EMP2: variants seen among roughly 807,000 people sequenced by gnomAD.
EMP2 encodes the protein epithelial membrane protein 2.
EMP2 carries 19 observed loss-of-function variants against 13.7 expected under a neutral mutation model. The ratio of observed to expected loss-of-function variants is 1.38; its 90% CI spans 0.97 to 2.03. The LOEUF (loss-of-function observed/expected upper bound fraction) is 2.03. Among genes scored for constraint, EMP2 ranks in the 30% most tolerant of loss-of-function variants. The probability of loss-of-function intolerance (pLI) is 0.00; values close to 1 mark genes in which losing one functional copy is unlikely to be tolerated. For synonymous variants in EMP2, 97 were observed against 84.7 expected, an observed-to-expected ratio of 1.15 and a Z score of -0.80; for missense variants, 253 against 220.7, an observed-to-expected ratio of 1.15 and a Z score of -0.93.
At chr16:10,550,929 C>T (rs995163749) in intron 1 of EMP2, among the ~76,000 whole-genome samples, 2 of 151,190 alleles carry the variant, frequency 1.3e-5, no homozygotes, top group East Asian at 1.9e-4. Flanking sequence ...GAGCCAAGAA[C>T]GCGCCACTGC....
chr16:10,573,614 G>C (rs2050962611), intron 1 of EMP2, among the ~76,000 whole-genome samples: 1 of 152,168 alleles, frequency 6.6e-6, no homozygotes, highest in African/African-American at 2.4e-5. Context: ...CAGGGAAAAT[G>C]AGGGCATTAT....
chr16:10,537,778 A>ACT, intron 4 of EMP2, 150 bp downstream of exon 4: 1 of 916,060 alleles, frequency 1.1e-6, no homozygotes, highest in East Asian at 2.6e-5. Flanking sequence ...ACACACACAC[A>ACT]CACGCAAACA....
intron 1 of EMP2, among the ~76,000 whole-genome samples, chr16:10,549,024 T>C (rs1325988305): frequency 6.6e-6 from 1 of 152,224 alleles, no homozygotes; most frequent in African/African-American, 2.4e-5. Flanking sequence ...TCCGGGCTGA[T>C]GCAGAAGAGA....
intron 1 of EMP2, among the ~76,000 whole-genome samples, chr16:10,555,745 G>A (rs533861086): frequency 6.6e-5 from 10 of 152,082 alleles, no homozygotes; most frequent in East Asian, 1.9e-4. Flanking sequence ...GCGCCACCAC[G>A]CCTGGCTAAT....
At chr16:10,558,487 G>A (rs1407201685) in intron 1 of EMP2, among the ~76,000 whole-genome samples, 2 of 45,370 alleles carry the variant, frequency 4.4e-5, no homozygotes, top group African/African-American at 4.1e-4. Context: ...AAGTGTGTGT[G>A]TGTGTGTGTG....
chr16:10,557,528 A>G (rs76015637), intron 1 of EMP2, among the ~76,000 whole-genome samples: 1 of 152,268 alleles, frequency 6.6e-6, no homozygotes, highest in South Asian at 2.1e-4. Context: ...TTTCCTTGGT[A>G]TCTAAAAGGA....
In EMP2 at chr16:10,532,140, G is replaced by A. The variant is rs7194566; in HGVS notation, c.*765C>T. 116,325 of 154,534 alleles carry A rather than the reference G, an allele frequency of 0.75. 44,184 individuals carry two copies. The highest frequency in any genetic ancestry group is 0.83 in the East Asian group (4,269 of 5,142). 9.6% of individuals were successfully genotyped at this position (154,534 alleles called of 1,614,324 possible). On this transcript the variant is annotated 3_prime_UTR_variant, in exon 5 of 5. Transcript: ENST00000359543. ...ATCTGAAGCGTTGCCCAGGGAGCGC[G>A]TTAGAAATGCAGATTCCCTGGCCCC... is the stretch of plus-strand genomic sequence containing the variant.
intron 1 of EMP2, among the ~76,000 whole-genome samples, chr16:10,558,031 G>GT (rs558044947): frequency 0.11 from 15,203 of 139,464 alleles, 1,386 homozygotes; most frequent in African/African-American, 0.25. Flanking sequence ...TGAGTTTCAA[G>GT]TTTTTTTTTT....
At chr16:10,566,063 T>C (rs1449244262) in intron 1 of EMP2, among the ~76,000 whole-genome samples, 6 of 152,162 alleles carry the variant, frequency 3.9e-5, no homozygotes. Context: ...TTTTCTAGCA[T>C]CCAGTTTCCA....
chr16:10,575,767 C>G, intron 1 of EMP2, among the ~76,000 whole-genome samples: 1 of 152,124 alleles, frequency 6.6e-6, no homozygotes, highest in Non-Finnish European at 1.5e-5. Context: ...AATATATCAT[C>G]TCTTCTGATC....
Position 10,575,237 on chromosome 16 carries a change from C to CTTTTTTTTTTTTTT in EMP2, c.-61+5298_-61+5311dup, listed in dbSNP as rs761837614. Among the ~76,000 whole-genome samples, 60 of 52,488 alleles carry CTTTTTTTTTTTTTT rather than the reference C, an allele frequency of 1.1e-3. 12 individuals are homozygous for CTTTTTTTTTTTTTT. The highest frequency in any genetic ancestry group is 2.4e-3 in the African/African-American group (37 of 15,662). The allele number at this position is 52,488 out of a possible 152,430, so 34.4% of individuals were successfully genotyped here. A position where few individuals can be genotyped will look rare whatever the true frequency, so the allele number is the denominator to read the frequency against. Reference sequence around the variant, plus strand: ...TGGCCTTGGTCCTGGAGCTTGCATTCTTTTTTTTTTTTTTTTTTTTTTTTT... The same window carrying CTTTTTTTTTTTTTT: ...TGGCCTTGGTCCTGGAGCTTGCATTCTTTTTTTTTTTTTTTTTTTTTTTTTTTTTTTTTTTTTTT... On this transcript the variant is annotated intron_variant, in intron 1 of 4. Transcript: ENST00000359543.
chr16:10,541,365 T>C (rs1288829019), intron 3 of EMP2, among the ~76,000 whole-genome samples: 1 of 152,204 alleles, frequency 6.6e-6, no homozygotes, highest in Non-Finnish European at 1.5e-5. Flanking sequence ...TTGTGAACCA[T>C]ATGGTCTCTT....
At chr16:10,537,710 A>T (rs967076374) in intron 4 of EMP2, among the ~76,000 whole-genome samples, 4 of 151,364 alleles carry the variant, frequency 2.6e-5, no homozygotes, top group Non-Finnish European at 5.9e-5. Context: ...TCCCAACTCA[A>T]TCCAAACTCC....
Position 10,533,002 on chromosome 16 carries a change from T to C in EMP2, c.407A>G (p.Glu136Gly). 1 of 1,612,434 alleles carries C rather than the reference T, an allele frequency of 6.2e-7. No individual in the cohort carries two copies. Among genetic ancestry groups the C allele is most frequent in the Non-Finnish European group, 8.5e-7 (1 of 1,179,324 alleles). Reference protein sequence around the residue: ...KNAKFYPVTREGSYGYSYILA... With the variant: ...KNAKFYPVTRGGSYGYSYILA... ...GATGTAGGAGTAGCCGTAGCTGCCTTCTCTGGTCACGGGATAGAATTTCGC... is the reference window on the plus strand; with the variant it reads ...GATGTAGGAGTAGCCGTAGCTGCCTCCTCTGGTCACGGGATAGAATTTCGC... Residue 136 changes from glutamate (E) to glycine (G), a missense_variant, in exon 5 of 5, where the codon GAA (glutamate) becomes GGA (glycine). By Grantham distance (98) the Glu-to-Gly change is moderately conservative. Coordinates refer to ENST00000359543, the MANE Select transcript of EMP2 (RefSeq NM_001424.6).
chr16:10,563,072 C>A (rs1001392958), intron 1 of EMP2, among the ~76,000 whole-genome samples: 3 of 152,168 alleles, frequency 2.0e-5, no homozygotes, highest in Non-Finnish European at 4.4e-5. Flanking sequence ...TGTTCCCCAG[C>A]CTCACACCCA....
intron 1 of EMP2, among the ~76,000 whole-genome samples, chr16:10,551,701 C>G (rs547157768): frequency 6.6e-6 from 1 of 152,174 alleles, no homozygotes; most frequent in Admixed American, 6.5e-5. Context: ...GCCACCATCC[C>G]CAGAGCAAAA....
intron 1 of EMP2, among the ~76,000 whole-genome samples, chr16:10,547,924 C>G (rs1021683760): frequency 2.6e-5 from 4 of 152,092 alleles, no homozygotes; most frequent in Admixed American, 6.5e-5. Context: ...GTCCCAGCTA[C>G]TTAGGAGGCT....
chr16:10,572,677 C>A (rs1450305128), intron 1 of EMP2, among the ~76,000 whole-genome samples: 1 of 152,126 alleles, frequency 6.6e-6, no homozygotes, highest in Non-Finnish European at 1.5e-5. Context: ...AATGTCACAG[C>A]CTGGGAGTTA....
At chr16:10,557,155 G>A (rs1311631336) in intron 1 of EMP2, among the ~76,000 whole-genome samples, 10 of 152,090 alleles carry the variant, frequency 6.6e-5, no homozygotes, top group Non-Finnish European at 1.2e-4. Context: ...CCAGGAGTTC[G>A]AGACTAGCCT....
Sources: allele counts gnomAD v4.1 joint callset (sites outside exome capture counted in the v4.1 genomes callset), GRCh38; gene constraint gnomAD v4.1.1; transcripts MANE v1.5; gene names NCBI Gene and HGNC (gene_info 2026-07-23, HGNC 2026-07-21).